The following WWOX variants were observed in gnomAD, a reference collection of about 807,000 sequenced individuals.
WWOX encodes WW domain-containing oxidoreductase.
WWOX carries 69 observed loss-of-function variants against 46.2 expected under a neutral mutation model. The observed-to-expected ratio is 1.49, with a 90% CI of 1.23 to 1.82. The LOEUF (loss-of-function observed/expected upper bound fraction) is 1.82, where lower values mean the gene tolerates loss of function less well. WWOX is among the 40% of genes most tolerant of loss of function. The pLI is 0.00. For missense variants in WWOX, 919 were observed against 542.6 expected (o/e 1.69, Z -6.89); for synonymous variants, 359 against 202.6 (o/e 1.77, Z -6.56).
chr16:79,140,466 G>A (rs1474899973), intron 8 of WWOX, among the ~76,000 whole-genome samples: 1 of 152,200 alleles, frequency 6.6e-6, no homozygotes, highest in African/African-American at 2.4e-5. Flanking sequence ...ACTGACACCT[G>A]AGAAGTCCAG....
At chr16:78,844,661 C>G (rs984874838) in intron 8 of WWOX, among the ~76,000 whole-genome samples, 8 of 152,168 alleles carry the variant, frequency 5.3e-5, no homozygotes, top group Non-Finnish European at 8.8e-5. Flanking sequence ...TTAATATCCT[C>G]AAATTAAAAC....
intron 8 of WWOX, among the ~76,000 whole-genome samples, chr16:78,433,565 A>C (rs954510882): frequency 3.9e-5 from 6 of 152,104 alleles, no homozygotes; most frequent in African/African-American, 1.4e-4. Context: ...GACAGAAATC[A>C]CCCTTTTCCC....
At chr16:79,091,254 G>A (rs537968361) in intron 8 of WWOX, among the ~76,000 whole-genome samples, 1 of 151,874 alleles carries the variant, frequency 6.6e-6, no homozygotes. Context: ...AAAAAACTAA[G>A]TAGTAGTTGG....
At chr16:78,298,950 C>T (rs56394722) in intron 5 of WWOX, among the ~76,000 whole-genome samples, 1 of 152,150 alleles carries the variant, frequency 6.6e-6, no homozygotes, top group Non-Finnish European at 1.5e-5. Flanking sequence ...CCCTTTTCTT[C>T]TTCTTCCTTT....
chr16:78,355,401 G>C (rs939695202), intron 5 of WWOX: 3 of 252,086 alleles, frequency 1.2e-5, no homozygotes, highest in Non-Finnish European at 2.3e-5. Flanking sequence ...AGGAGATCGA[G>C]ACCATCCTGG....
In WWOX at chr16:78,905,933, A is replaced by T. The variant is rs567625106; in HGVS notation, c.1057-305675A>T. ...CCTTGGCTCCTTCCCACCTATGTTG[A>T]TTAATTAAAGGACCCAAGAGCTAAA... On this transcript the variant is annotated intron_variant, in intron 8 of 8. Coordinates refer to ENST00000566780, the MANE Select transcript of WWOX (RefSeq NM_016373.4). Among the ~76,000 whole-genome samples the T allele has an allele frequency of 2.2e-4, 33 of 152,286 alleles. No homozygotes were observed. In the East Asian group the frequency reaches 6.2e-3, roughly 28 times the overall value.
chr16:79,030,008 G>T (rs2047722066), intron 8 of WWOX, among the ~76,000 whole-genome samples: 1 of 152,158 alleles, frequency 6.6e-6, no homozygotes, highest in East Asian at 1.9e-4. Context: ...ACTCTGATGA[G>T]CTCTGGTTTA....
intron 5 of WWOX, among the ~76,000 whole-genome samples, chr16:78,227,894 A>G (rs2037119754): frequency 4.6e-5 from 7 of 152,038 alleles, no homozygotes; most frequent in Admixed American, 3.3e-4. Flanking sequence ...AACAAAAAGA[A>G]ACATACCGGG....
intron 1 of WWOX, among the ~76,000 whole-genome samples, chr16:78,107,799 G>A (rs748860729): frequency 7.2e-4 from 109 of 152,192 alleles, no homozygotes; most frequent in Non-Finnish European, 1.0e-3. Flanking sequence ...GTGAGACCCT[G>A]ATTCTTTAAA....
Position 78,432,653 on chromosome 16 carries a change from C to T in WWOX, c.957C>T (p.Asn319=), listed in dbSNP as rs144417100. The change falls in exon 8 of 9, where the codon AAC becomes AAT. Residue 319 remains asparagine (N), a synonymous_variant. Transcript: ENST00000566780. The stretch of plus-strand genomic sequence containing the variant: ...TCTCCCCACGCGGGGTCACGTCGAA[C>T]GCAGTGCATCCTGGAAATATGATGT... ...RRLSPRGVTS[N]AVHPGNMMYS... 269 of 1,614,222 alleles carry T rather than the reference C, an allele frequency of 1.7e-4. No individual in the cohort carries two copies. Among genetic ancestry groups the T allele is most frequent in the African/African-American group, 1.7e-3 (124 of 75,056 alleles).
intron 6 of WWOX, among the ~76,000 whole-genome samples, chr16:78,422,656 TTTACATGTATATATATATA>T (rs1163981352): frequency 2.1e-5 from 2 of 93,582 alleles, no homozygotes; most frequent in Non-Finnish European, 3.9e-5. Context: ...TCCTGTTTTT[TTTACATGTATATATATATA>T]TATATATATA....
chr16:78,136,710 A>G (rs2033802613), intron 4 of WWOX, among the ~76,000 whole-genome samples: 1 of 152,256 alleles, frequency 6.6e-6, no homozygotes, highest in Non-Finnish European at 1.5e-5. Context: ...CAAATAACAC[A>G]GTTTCCCTTT....
intron 8 of WWOX, among the ~76,000 whole-genome samples, chr16:79,014,942 C>T (rs1056525176): frequency 1.3e-5 from 2 of 152,146 alleles, no homozygotes; most frequent in Non-Finnish European, 2.9e-5. Flanking sequence ...TAGGAATGCT[C>T]TGTGATATGT....
chr16:78,805,792 T>C (rs2051019071), intron 8 of WWOX, among the ~76,000 whole-genome samples: 1 of 152,222 alleles, frequency 6.6e-6, no homozygotes, highest in African/African-American at 2.4e-5. Flanking sequence ...TGTTTTGTTT[T>C]TGTTTCTGTT....
intron 8 of WWOX, among the ~76,000 whole-genome samples, chr16:78,894,596 A>G (rs1402846271): frequency 3.9e-5 from 6 of 152,128 alleles, no homozygotes; most frequent in Admixed American, 3.9e-4. Context: ...TTTTTATTCC[A>G]TGAAACAAAT....
chr16:78,217,099 C>G (rs1269769795), intron 5 of WWOX, among the ~76,000 whole-genome samples: 1 of 152,226 alleles, frequency 6.6e-6, no homozygotes, highest in Non-Finnish European at 1.5e-5. Flanking sequence ...GCCACGCAGT[C>G]TACCATATTC....
At chr16:78,876,735 A>T (rs2151209446) in intron 8 of WWOX, among the ~76,000 whole-genome samples, 3 of 152,326 alleles carry the variant, frequency 2.0e-5, no homozygotes, top group Middle Eastern at 6.8e-3. Flanking sequence ...ATTTTATCTC[A>T]GAAAATTAAC....
At chr16:78,858,298 A>G (rs915564771) in intron 8 of WWOX, among the ~76,000 whole-genome samples, 4 of 148,858 alleles carry the variant, frequency 2.7e-5, no homozygotes, top group Admixed American at 2.0e-4. Flanking sequence ...TGAGCAGCAT[A>G]TGCTGTACCC....
intron 8 of WWOX, among the ~76,000 whole-genome samples, chr16:79,157,096 A>G (rs2050396431): frequency 6.6e-6 from 1 of 152,226 alleles, no homozygotes. Flanking sequence ...AAGTATTAGG[A>G]AAAACAGAGT....
Sources: allele counts gnomAD v4.1 joint callset (sites outside exome capture counted in the v4.1 genomes callset), GRCh38; gene constraint gnomAD v4.1.1; transcripts MANE v1.5; gene names NCBI Gene and HGNC (gene_info 2026-07-23, HGNC 2026-07-21).